The following KCNA2 variants were observed in gnomAD, a reference collection of about 807,000 sequenced individuals.
The protein encoded by KCNA2 is potassium voltage-gated channel subfamily A member 2, also known as potassium channel, voltage gated shaker related subfamily A, member 2.
Under a neutral mutation model 33.4 loss-of-function variants are expected in KCNA2, and 11 were observed. The observed-to-expected ratio is 0.33, with a 90% confidence interval of 0.21 to 0.55. KCNA2 has a LOEUF of 0.55. Among genes scored for constraint, KCNA2 ranks in the 20% least tolerant of loss-of-function variants. The pLI, the probability that KCNA2 is intolerant of heterozygous loss-of-function variation, is 0.93. For synonymous variants in KCNA2, 222 were observed against 231.3 expected (o/e 0.96, Z 0.37); for missense variants, 291 against 621.6 (o/e 0.47, Z 5.66).
At position 110,625,188 on chromosome 1, in the gene KCNA2, G is replaced by A. The variant is rs550961018; in HGVS notation, c.-496+6207C>T. On this transcript the variant is annotated intron_variant, in intron 1 of 4. Transcript: ENST00000369770. ...TCCCCTTCAATCTTCCCAGAGCAGTGTAAATACATTATTTGTAATGGGTAG... is the reference window on the plus strand; with the variant it reads ...TCCCCTTCAATCTTCCCAGAGCAGTATAAATACATTATTTGTAATGGGTAG... Among the ~76,000 whole-genome samples the A allele has an allele frequency of 1.1e-4, 16 of 152,306 alleles. No homozygotes were observed. The South Asian group carries it at 3.3e-3, about 32-fold the overall frequency.
At chr1:110,625,808 C>A (rs1650373870) in intron 1 of KCNA2, among the ~76,000 whole-genome samples, 1 of 152,160 alleles carries the variant, frequency 6.6e-6, no homozygotes, top group South Asian at 2.1e-4. Flanking sequence ...AGTCCACAGA[C>A]AAAGAAGTGC....
chr1:110,625,070 G>T (rs961134907), intron 1 of KCNA2, among the ~76,000 whole-genome samples: 1 of 152,190 alleles, frequency 6.6e-6, no homozygotes, highest in Non-Finnish European at 1.5e-5. Flanking sequence ...AGGATACTTT[G>T]GTTTCTTTCT....
At chr1:110,619,570 G>A (rs1650181369) in intron 1 of KCNA2, among the ~76,000 whole-genome samples, 1 of 152,256 alleles carries the variant, frequency 6.6e-6, no homozygotes, top group African/African-American at 2.4e-5. Flanking sequence ...GCGGCAATGC[G>A]GCAATCTGGG....
rs1441684046 is a variant in KCNA2 at position 110,597,304 on chromosome 1, T to C, written c.*5979A>G. 33 of 985,092 alleles carry C rather than the reference T, an allele frequency of 3.3e-5. No individual in the cohort carries two copies. The highest frequency in any genetic ancestry group is 3.6e-5 in the Non-Finnish European group (30 of 829,700). 61.0% of individuals were successfully genotyped at this position (985,092 alleles called of 1,614,324 possible). On this transcript the variant is annotated 3_prime_UTR_variant, in exon 3 of 3. Transcript: ENST00000316361. ...AGTGCATGGAAATGATCTTCTGTAA[T>C]GGCTCAGGATGCTTTATTCTTATCT... is the stretch of plus-strand genomic sequence containing the variant.
chr1:110,595,590 T>C lies in KCNA2; in HGVS notation c.*7693A>G. ...AGAGGTGAGGCTGAGAGAAACTGTCTTCCATGGATCTAACACACTAGCAGG... is the reference window on the plus strand; with the variant it reads ...AGAGGTGAGGCTGAGAGAAACTGTCCTCCATGGATCTAACACACTAGCAGG... On this transcript the variant is annotated 3_prime_UTR_variant, in exon 3 of 3. Transcript: ENST00000316361. 2 of 985,446 alleles carry C rather than the reference T, an allele frequency of 2.0e-6. No homozygotes were observed. Among genetic ancestry groups the C allele is most frequent in the Non-Finnish European group, 2.4e-6 (2 of 829,980 alleles). 61.0% of individuals were successfully genotyped at this position (985,446 alleles called of 1,614,324 possible). A position where few individuals can be genotyped will look rare whatever the true frequency, so the allele number is the denominator to read the frequency against.
intron 1 of KCNA2, among the ~76,000 whole-genome samples, chr1:110,625,778 G>A (rs1364295327): frequency 6.6e-6 from 1 of 152,066 alleles, no homozygotes; most frequent in Non-Finnish European, 1.5e-5. Flanking sequence ...TAAAAGAGTG[G>A]GAAATGGCAA....
rs1250879930 is a variant in KCNA2 at position 110,598,871 on chromosome 1, C to T, written c.*4412G>A. ...TAAAAAGTTTACTCTGAAATTTGAC[C>T]CACTCAGCCACTCTCTCTTCCTGAC... On this transcript the variant is annotated 3_prime_UTR_variant, in exon 3 of 3. Coordinates refer to ENST00000316361, the MANE Select transcript of KCNA2 (RefSeq NM_004974.4). 1 of 985,170 alleles carries T rather than the reference C, an allele frequency of 1.0e-6. No individual in the cohort carries two copies. The highest frequency in any genetic ancestry group is 1.2e-6 in the Non-Finnish European group (1 of 829,916). 61.0% of individuals were successfully genotyped at this position (985,170 alleles called of 1,614,324 possible).
intron 1 of KCNA2, among the ~76,000 whole-genome samples, chr1:110,616,887 G>T (rs1357518212): frequency 6.6e-6 from 1 of 152,228 alleles, no homozygotes; most frequent in Non-Finnish European, 1.5e-5. Context: ...AAGCAGAATT[G>T]TCAACAATTG....
Position 110,593,886 on chromosome 1 carries a change from G to T in KCNA2, c.*9397C>A. Reference sequence around the variant, plus strand: ...GCTTCCAGAATATGTCAGCAAGAATGATAATATCAATACATCCTGTGCAAT... The same window carrying T: ...GCTTCCAGAATATGTCAGCAAGAATTATAATATCAATACATCCTGTGCAAT... On this transcript the variant is annotated 3_prime_UTR_variant, in exon 3 of 3. Transcript: ENST00000316361. 1 of 1,550,008 alleles carries T rather than the reference G, an allele frequency of 6.5e-7. No individual in the cohort carries two copies. Among genetic ancestry groups the T allele is most frequent in the South Asian group, 1.2e-5 (1 of 83,862 alleles).
Position 110,603,718 on chromosome 1 carries a change from C to T in KCNA2, c.1065G>A (p.Glu355=). Residue 355 remains glutamate, a synonymous_variant, in exon 3 of 3, where the codon GAG becomes GAA. Transcript: ENST00000316361. The surrounding 1 kb of genome is among the most constrained non-coding windows in gnomAD (Gnocchi z 5.7). The part of the protein sequence containing the change: ...AVYFAEADER[E]SQFPSIPDAF... ...CATCTGGGATGCTGGGGAACTGGGA[C>T]TCTCGCTCATCGGCCTCTGCAAAAT... 1.2e-6 allele frequency: 2 copies of T among 1,614,026 alleles called. No individual in the cohort carries two copies. The highest frequency in any genetic ancestry group is 2.2e-5 in the East Asian group (1 of 44,884).
upstream of KCNA2, among the ~76,000 whole-genome samples, chr1:110,610,641 T>TGGTG (rs1295861301): frequency 2.6e-5 from 4 of 152,192 alleles, no homozygotes; most frequent in African/African-American, 9.7e-5. Flanking sequence ...TAAGTCACCA[T>TGGTG]GCCATTCTAC....
chr1:110,593,935 T>C lies in KCNA2; in HGVS notation c.*9348A>G. Reference sequence around the variant, plus strand: ...ATGTAGTTACAGCTGGTGTCTAAATTTTCAAGAAGCAAACAAATAGTTAAA... The same window carrying C: ...ATGTAGTTACAGCTGGTGTCTAAATCTTCAAGAAGCAAACAAATAGTTAAA... On this transcript the variant is annotated 3_prime_UTR_variant, in exon 3 of 3. Coordinates refer to ENST00000316361, the MANE Select transcript of KCNA2 (RefSeq NM_004974.4). The C allele has an allele frequency of 6.5e-7, 1 of 1,549,660 alleles. No homozygotes were observed. Among genetic ancestry groups the C allele is most frequent in the Non-Finnish European group, 8.7e-7 (1 of 1,146,656 alleles).
At chr1:110,618,089 C>G (rs1650128141) in intron 1 of KCNA2, among the ~76,000 whole-genome samples, 1 of 152,174 alleles carries the variant, frequency 6.6e-6, no homozygotes, top group Non-Finnish European at 1.5e-5. Flanking sequence ...TGCCTGTAAT[C>G]CCAGCATTTT....
chr1:110,626,246 A>G (rs11801181), intron 1 of KCNA2, among the ~76,000 whole-genome samples: 1 of 152,214 alleles, frequency 6.6e-6, no homozygotes, highest in Non-Finnish European at 1.5e-5. Flanking sequence ...TGTTATAGCC[A>G]TACATGGACT....
chr1:110,629,531 G>A (rs903109937), intron 1 of KCNA2, among the ~76,000 whole-genome samples: 1 of 152,146 alleles, frequency 6.6e-6, no homozygotes, highest in Non-Finnish European at 1.5e-5. Flanking sequence ...AGCTCAGTGA[G>A]GCACCTCTTC....
At position 110,594,650 on chromosome 1, in the gene KCNA2, G is replaced by A. The variant is rs760641736; in HGVS notation, c.*8633C>T. Reference sequence around the variant, plus strand: ...AGCTTCCTGGGGCCCTTCAAATGAAGGAACCATCCAAGCACGACAACAAAA... The same window carrying A: ...AGCTTCCTGGGGCCCTTCAAATGAAAGAACCATCCAAGCACGACAACAAAA... On this transcript the variant is annotated 3_prime_UTR_variant, in exon 3 of 3. Transcript: ENST00000316361. 15 of 985,418 alleles carry A rather than the reference G, an allele frequency of 1.5e-5. No individual in the cohort carries two copies. Among genetic ancestry groups the A allele is most frequent in the Non-Finnish European group, 1.8e-5 (15 of 829,970 alleles). The allele number at this position is 985,418 out of a possible 1,614,324, so 61.0% of individuals were successfully genotyped here. A position where few individuals can be genotyped will look rare whatever the true frequency, so the allele number is the denominator to read the frequency against.
At chr1:110,610,695 A>C (rs980657025), upstream of KCNA2, among the ~76,000 whole-genome samples, 5 of 152,146 alleles carry the variant, frequency 3.3e-5, no homozygotes, top group African/African-American at 1.2e-4. Context: ...TCTGGGCTCA[A>C]TTTCTGGTCT....
intron 1 of KCNA2, among the ~76,000 whole-genome samples, chr1:110,611,882 C>T (rs1649885918): frequency 6.6e-6 from 1 of 152,048 alleles, no homozygotes; most frequent in African/African-American, 2.4e-5. Flanking sequence ...AATTAGCCAG[C>T]ACGGTGGTGC....
Position 110,600,521 on chromosome 1 carries a change from T to C in KCNA2, c.*2762A>G. The C allele has an allele frequency of 1.0e-6, 1 of 985,344 alleles. No individual in the cohort carries two copies. The highest frequency in any genetic ancestry group is 1.2e-6 in the Non-Finnish European group (1 of 829,876). The allele number at this position is 985,344 out of a possible 1,614,324, so 61.0% of individuals were successfully genotyped here. A position where few individuals can be genotyped will look rare whatever the true frequency, so the allele number is the denominator to read the frequency against. Reference sequence around the variant, plus strand: ...ATATCTTCTGTGTTTGCTTTTATGTTAACCTGGTCTGTCTGTATTTTGCAC... The same window carrying C: ...ATATCTTCTGTGTTTGCTTTTATGTCAACCTGGTCTGTCTGTATTTTGCAC... On this transcript the variant is annotated 3_prime_UTR_variant, in exon 3 of 3. Transcript: ENST00000316361.
Sources: gnomAD v4.1 joint callset for allele counts (sites outside exome capture counted in the v4.1 genomes callset) on GRCh38, gnomAD v4.1.1 for gene constraint, Gnocchi (gnomAD v3.1) non-coding constraint, MANE v1.5 for transcripts, NCBI Gene and HGNC (gene_info 2026-07-23, HGNC 2026-07-21) for gene names.